XIRP2: variants seen among roughly 807,000 people sequenced by gnomAD.
XIRP2 encodes xin actin-binding repeat-containing protein 2.
A neutral mutation model predicts 277.0 loss-of-function variants in XIRP2; 236 were observed. The ratio of observed to expected loss-of-function variants is 0.85; its 90% CI spans 0.77 to 0.95. The LOEUF (loss-of-function observed/expected upper bound fraction) is 0.95. Among genes scored for constraint, XIRP2 ranks in the 40% least tolerant of loss-of-function variants. The pLI, the probability that XIRP2 is intolerant of heterozygous loss-of-function variation, is 0.00. For synonymous variants in XIRP2, 1,490 were observed against 1,416.5 expected (o/e 1.05, Z -1.17); for missense variants, 4,640 against 4,157.5 (o/e 1.12, Z -3.19).
intron 2 of XIRP2, among the ~76,000 whole-genome samples, chr2:166,946,461 G>A: frequency 6.6e-6 from 1 of 152,074 alleles, no homozygotes; most frequent in East Asian, 1.9e-4. Flanking sequence ...GAGTTGTTGT[G>A]CATAGCCCTG....
At chr2:167,163,214 CATTA>C (rs1293674083) in intron 3 of XIRP2, among the ~76,000 whole-genome samples, 3 of 152,114 alleles carry the variant, frequency 2.0e-5, no homozygotes, top group Non-Finnish European at 4.4e-5. Context: ...TATGTTAAGT[CATTA>C]ATTAAATTTT....
intron 5 of XIRP2, among the ~76,000 whole-genome samples, chr2:167,225,600 AG>A (rs2105409950): frequency 6.6e-6 from 1 of 152,248 alleles, no homozygotes; most frequent in Non-Finnish European, 1.5e-5. Context: ...ACCTTTCTGC[AG>A]ATAGGCCAGC....
intron 3 of XIRP2, 145 bp from the exon 4 acceptor site, chr2:167,210,590 G>A (rs1250090425): frequency 8.7e-7 from 1 of 1,148,162 alleles, no homozygotes. Flanking sequence ...TGAAGGAGAT[G>A]ACCATGAGAC....
chr2:166,925,861 G>A (rs1218223779), intron 2 of XIRP2, among the ~76,000 whole-genome samples: 2 of 151,540 alleles, frequency 1.3e-5, no homozygotes, highest in African/African-American at 4.8e-5. Flanking sequence ...CTTGAGGCCA[G>A]GAGTTCTAGT....
At chr2:167,022,152 A>T (rs1445762026) in intron 2 of XIRP2, among the ~76,000 whole-genome samples, 1 of 152,118 alleles carries the variant, frequency 6.6e-6, no homozygotes, top group Non-Finnish European at 1.5e-5. Flanking sequence ...TCCTCCTAAA[A>T]CACGTTAAGG....
At chr2:167,020,462 A>G (rs1300080391) in intron 2 of XIRP2, among the ~76,000 whole-genome samples, 1 of 152,042 alleles carries the variant, frequency 6.6e-6, no homozygotes, top group Non-Finnish European at 1.5e-5. Flanking sequence ...AGTATATACA[A>G]TGTATTGCAT....
intron 2 of XIRP2, among the ~76,000 whole-genome samples, chr2:167,055,008 T>C (rs1689006493): frequency 6.6e-6 from 1 of 152,196 alleles, no homozygotes; most frequent in Non-Finnish European, 1.5e-5. Flanking sequence ...AGAATTTTGA[T>C]CAAAGCTAGC....
Position 167,243,206 on chromosome 2 carries a change from A to G in XIRP2, c.1814A>G (p.Asp605Gly). ...GGTGATATTTCCAGGGGCATTGCTG[A>G]TCAAGAAATCATTGCTGGTGGTGAT... Reference protein sequence around the residue: ...DEGDISRGIADQEIIAGGDVK... With the variant: ...DEGDISRGIAGQEIIAGGDVK... The change falls in exon 9 of 11, where the codon GAT becomes GGT. Residue 605 changes from aspartate (D) to glycine (G), a missense_variant. Asp to Gly is a moderately conservative substitution (Grantham distance 94). Coordinates refer to ENST00000409195, the MANE Select transcript of XIRP2 (RefSeq NM_152381.6). The G allele has an allele frequency of 6.2e-7, 1 of 1,614,110 alleles. No individual in the cohort carries two copies. The highest frequency in any genetic ancestry group is 1.1e-5 in the South Asian group (1 of 91,066).
At chr2:166,998,821 C>T (rs1011254880) in intron 2 of XIRP2, among the ~76,000 whole-genome samples, 2 of 152,138 alleles carry the variant, frequency 1.3e-5, no homozygotes, top group Non-Finnish European at 2.9e-5. Flanking sequence ...AAGTTTTCTC[C>T]TGGTGCCCCC....
intron 2 of XIRP2, among the ~76,000 whole-genome samples, chr2:167,085,689 A>C (rs1306013904): frequency 6.6e-6 from 1 of 151,722 alleles, no homozygotes; most frequent in Admixed American, 6.6e-5. Flanking sequence ...TCCCTTTACC[A>C]TTATGTAATG....
At chr2:166,984,507 AATATT>A (rs1481655778) in intron 2 of XIRP2, among the ~76,000 whole-genome samples, 2 of 152,170 alleles carry the variant, frequency 1.3e-5, no homozygotes, top group East Asian at 3.8e-4. Context: ...ACTATAAAAT[AATATT>A]ATAAGACAAA....
In XIRP2 at chr2:167,251,761, A is replaced by G; in HGVS notation, c.10369A>G (p.Thr3457Ala). Residue 3457 changes from threonine to alanine, a missense_variant, in exon 9 of 11, where the codon ACC (threonine) becomes GCC (alanine). Physicochemically the swap from Thr to Ala is moderately conservative, Grantham distance 58. Transcript: ENST00000409195. ...SGCDFKHAPP[T>A]YEDVIAGHIL... is the part of the protein sequence containing the mutation. Reference sequence around the variant, plus strand: ...CTGTGACTTCAAGCATGCCCCACCAACCTATGAGGATGTCATTGCTGGACA... The same window carrying G: ...CTGTGACTTCAAGCATGCCCCACCAGCCTATGAGGATGTCATTGCTGGACA... The G allele has an allele frequency of 6.2e-7, 1 of 1,613,300 alleles. No individual in the cohort carries two copies. The highest frequency in any genetic ancestry group is 8.5e-7 in the Non-Finnish European group (1 of 1,179,568).
intron 2 of XIRP2, among the ~76,000 whole-genome samples, chr2:166,911,862 C>T (rs1372478660): frequency 1.3e-5 from 2 of 152,118 alleles, no homozygotes; most frequent in African/African-American, 2.4e-5. Flanking sequence ...TTCTCCTTCA[C>T]TTATGAAGCT....
chr2:167,154,094 T>A (rs900266538), intron 3 of XIRP2, among the ~76,000 whole-genome samples: 2 of 149,590 alleles, frequency 1.3e-5, no homozygotes, highest in Non-Finnish European at 1.5e-5. Flanking sequence ...TTTTAAAGAT[T>A]GCCATTCTAA....
In XIRP2 at chr2:166,938,227, C is replaced by T. The variant is rs535360390; in HGVS notation, c.408+34337C>T. ...GATCTTTCCTGCTTTCTCTTGTGGG[C>T]ATTTAGTGCTGTAAATTTCCCTCTA... On this transcript the variant is annotated intron_variant, in intron 2 of 10. Transcript: ENST00000409195. 4.1e-3 allele frequency among the ~76,000 whole-genome samples: 631 copies of T among 152,254 alleles called. 4 individuals are homozygous for T. Among genetic ancestry groups the T allele is most frequent in the African/African-American group, 0.014 (582 of 41,544 alleles).
At chr2:166,980,724 A>G (rs1686842391) in intron 2 of XIRP2, among the ~76,000 whole-genome samples, 1 of 152,106 alleles carries the variant, frequency 6.6e-6, no homozygotes, top group South Asian at 2.1e-4. Context: ...AGTCACTAAT[A>G]TAGTATTGAT....
chr2:166,988,081 A>T (rs1015486482), intron 2 of XIRP2, among the ~76,000 whole-genome samples: 1 of 152,240 alleles, frequency 6.6e-6, no homozygotes, highest in African/African-American at 2.4e-5. Flanking sequence ...ATAATCTCAA[A>T]GTATCTTCCC....
chr2:167,230,371 G>C (rs1694717386), intron 5 of XIRP2, among the ~76,000 whole-genome samples: 1 of 151,804 alleles, frequency 6.6e-6, no homozygotes, highest in Non-Finnish European at 1.5e-5. Flanking sequence ...TTTCTTTTTT[G>C]TTGTTGTTTT....
intron 3 of XIRP2, among the ~76,000 whole-genome samples, chr2:167,146,620 G>C (rs1202429890): frequency 6.6e-6 from 1 of 152,022 alleles, no homozygotes; most frequent in Admixed American, 6.6e-5. Flanking sequence ...ACAATAAACA[G>C]TCTAATATAT....
Sources: gnomAD v4.1 joint callset for allele counts (sites outside exome capture counted in the v4.1 genomes callset) on GRCh38, gnomAD v4.1.1 for gene constraint, MANE v1.5 for transcripts, NCBI Gene and HGNC (gene_info 2026-07-23, HGNC 2026-07-21) for gene names.